Variants in PLD5 observed in about 807,000 individuals in gnomAD.
The protein encoded by PLD5 is inactive phospholipase D5.
PLD5 carries 36 observed loss-of-function variants against 61.1 expected under a neutral mutation model. The observed-to-expected ratio is 0.59, with a 90% CI of 0.45 to 0.78. PLD5 has a LOEUF of 0.78. PLD5 is among the 30% of genes least tolerant of loss of function. The pLI, the probability that PLD5 is intolerant of heterozygous loss-of-function variation, is 0.00. For synonymous variants in PLD5, 243 were observed against 242.8 expected (o/e 1.00, Z -0.01); for missense variants, 515 against 644.4 (o/e 0.80, Z 2.17).
chr1:242,328,851 C>T (rs112070048), intron 2 of PLD5, among the ~76,000 whole-genome samples: 8,895 of 152,246 alleles, frequency 0.058, 315 homozygotes, highest in Middle Eastern at 0.096. Flanking sequence ...AGAATTTCTG[C>T]GTTAGAGCAA....
chr1:242,099,847 T>C (rs1009972072), intron 9 of PLD5, among the ~76,000 whole-genome samples: 1 of 152,256 alleles, frequency 6.6e-6, no homozygotes, highest in African/African-American at 2.4e-5. Flanking sequence ...TGCTGCTTCA[T>C]CTGTACAATG....
At chr1:242,228,520 CA>C (rs1364489924) in intron 4 of PLD5, among the ~76,000 whole-genome samples, 1 of 152,100 alleles carries the variant, frequency 6.6e-6, no homozygotes, top group Non-Finnish European at 1.5e-5. Context: ...TTTGGGAATT[CA>C]AAATTGAGCC....
chr1:242,211,060 T>C (rs1669785794), intron 5 of PLD5, among the ~76,000 whole-genome samples: 1 of 152,180 alleles, frequency 6.6e-6, no homozygotes, highest in Non-Finnish European at 1.5e-5. Flanking sequence ...AAAGTGATGA[T>C]AGAGAAGCTG....
chr1:242,151,734 A>G (rs562806025), intron 5 of PLD5, among the ~76,000 whole-genome samples: 57 of 152,216 alleles, frequency 3.7e-4, no homozygotes, highest in African/African-American at 1.4e-3. Flanking sequence ...GGCTATTCAG[A>G]CATTTCTTCT....
At chr1:242,278,213 T>G (rs1426042330) in intron 3 of PLD5, among the ~76,000 whole-genome samples, 1 of 151,544 alleles carries the variant, frequency 6.6e-6, no homozygotes, top group Non-Finnish European at 1.5e-5. Flanking sequence ...CCAAAAAAAA[T>G]GGTCATAGAA....
intron 1 of PLD5, among the ~76,000 whole-genome samples, chr1:242,466,934 G>A (rs1298146588): frequency 5.0e-5 from 4 of 80,710 alleles, no homozygotes; most frequent in African/African-American, 2.1e-4. Flanking sequence ...AGAATAGAGC[G>A]CTGGTTACCA....
intron 1 of PLD5, among the ~76,000 whole-genome samples, chr1:242,521,507 A>T (rs1572286583): frequency 6.8e-6 from 1 of 147,030 alleles, no homozygotes; most frequent in Admixed American, 6.8e-5. Flanking sequence ...ATGACCAAAT[A>T]TGTGTGTCAT....
chr1:242,356,023 C>G (rs1026821587), intron 1 of PLD5, among the ~76,000 whole-genome samples: 7 of 151,702 alleles, frequency 4.6e-5, no homozygotes, highest in Non-Finnish European at 8.8e-5. Context: ...GGAAAATGTT[C>G]TGTGTGCTCT....
At chr1:242,272,812 T>A (rs1217041491) in intron 3 of PLD5, among the ~76,000 whole-genome samples, 1 of 152,180 alleles carries the variant, frequency 6.6e-6, no homozygotes, top group Non-Finnish European at 1.5e-5. Context: ...TAAAATCATA[T>A]TCATCATATT....
chr1:242,286,215 A>G (rs1476679353), intron 3 of PLD5, among the ~76,000 whole-genome samples: 2 of 152,230 alleles, frequency 1.3e-5, no homozygotes, highest in Non-Finnish European at 2.9e-5. Context: ...CCAAATCAAG[A>G]GAAGCCCACA....
chr1:242,204,928 T>G (rs1669230983), intron 5 of PLD5, among the ~76,000 whole-genome samples: 3 of 152,234 alleles, frequency 2.0e-5, no homozygotes, highest in Admixed American at 2.0e-4. Flanking sequence ...TAGATTTAGC[T>G]TCTGTTTTCA....
At chr1:242,232,523 T>G (rs546789953) in intron 4 of PLD5, among the ~76,000 whole-genome samples, 1 of 152,334 alleles carries the variant, frequency 6.6e-6, no homozygotes, top group African/African-American at 2.4e-5. Context: ...CATTTTTTTT[T>G]TCTCTTTGAG....
chr1:242,428,009 T>A (rs1250608350), intron 1 of PLD5, among the ~76,000 whole-genome samples: 1 of 152,210 alleles, frequency 6.6e-6, no homozygotes, highest in Non-Finnish European at 1.5e-5. Flanking sequence ...CTTATGAGCT[T>A]AAGAGCTAAA....
chr1:242,284,426 C>T (rs1211138916), intron 3 of PLD5, among the ~76,000 whole-genome samples: 1 of 152,046 alleles, frequency 6.6e-6, no homozygotes, highest in East Asian at 1.9e-4. Context: ...CCACCACGCC[C>T]AACTCTCTAA....
At chr1:242,169,339 C>T (rs542399226) in intron 5 of PLD5, among the ~76,000 whole-genome samples, 18 of 152,072 alleles carry the variant, frequency 1.2e-4, no homozygotes, top group South Asian at 6.2e-4. Flanking sequence ...TGCAAGGGGT[C>T]GGGGAATTTT....
intron 5 of PLD5, among the ~76,000 whole-genome samples, chr1:242,206,590 T>A (rs1669328659): frequency 6.6e-6 from 1 of 152,156 alleles, no homozygotes; most frequent in Admixed American, 6.5e-5. Context: ...GCATGTACTG[T>A]GTATTAGATA....
intron 1 of PLD5, among the ~76,000 whole-genome samples, chr1:242,425,439 G>A (rs1284866469): frequency 1.3e-5 from 2 of 152,120 alleles, no homozygotes; most frequent in Non-Finnish European, 2.9e-5. Context: ...TACCTGTAGA[G>A]GGCGCATACA....
intron 4 of PLD5, among the ~76,000 whole-genome samples, chr1:242,262,647 G>A (rs945496810): frequency 3.3e-5 from 5 of 152,250 alleles, no homozygotes; most frequent in Non-Finnish European, 7.4e-5. Flanking sequence ...GTATCTAGAA[G>A]AAAGACGGGG....
At chr1:242,315,471 C>T (rs563586727) in intron 2 of PLD5, among the ~76,000 whole-genome samples, 13 of 152,214 alleles carry the variant, frequency 8.5e-5, no homozygotes, top group African/African-American at 1.9e-4. Flanking sequence ...AAGAAAAATG[C>T]CCTTCTACCC....
Sources: allele counts gnomAD v4.1 joint callset (sites outside exome capture counted in the v4.1 genomes callset), GRCh38; gene constraint gnomAD v4.1.1; transcripts MANE v1.5; gene names NCBI Gene and HGNC (gene_info 2026-07-23, HGNC 2026-07-21).